CDK5RAP2: variants seen among roughly 807,000 people sequenced by gnomAD.
CDK5RAP2 encodes the protein CDK5 regulatory subunit-associated protein 2.
A neutral mutation model predicts 232.9 loss-of-function variants in CDK5RAP2; 147 were observed. The observed-to-expected ratio is 0.63, with a 90% CI of 0.55 to 0.72. The LOEUF (loss-of-function observed/expected upper bound fraction) is 0.72. CDK5RAP2 is among the 30% of genes least tolerant of loss of function. The pLI, the probability that CDK5RAP2 is intolerant of heterozygous loss-of-function variation, is 0.00. For missense variants in CDK5RAP2, 2,195 were observed against 2,231.5 expected (o/e 0.98, Z 0.33); for synonymous variants, 833 against 833.7 (o/e 1.00, Z 0.01).
At chr9:120,473,096 A>G (rs1005627305) in intron 15 of CDK5RAP2, among the ~76,000 whole-genome samples, 3 of 152,246 alleles carry the variant, frequency 2.0e-5, no homozygotes, top group African/African-American at 7.2e-5. Flanking sequence ...TCTGAATGGC[A>G]TAAATAATGC....
Position 120,453,155 on chromosome 9 carries a change from T to A in CDK5RAP2, c.2793+301A>T, listed in dbSNP as rs193187096. 2.0e-5 allele frequency among the ~76,000 whole-genome samples: 3 copies of A among 152,274 alleles called. No individual in the cohort carries two copies. The East Asian group carries it at 5.8e-4, about 29-fold the overall frequency. ...AGACAGCTACAGACAGATAGACAGATGTATAAACAAGACCTCACGTGTGTT... is the reference window on the plus strand; with the variant it reads ...AGACAGCTACAGACAGATAGACAGAAGTATAAACAAGACCTCACGTGTGTT... On this transcript the variant is annotated intron_variant, in intron 21 of 37. Transcript: ENST00000349780.
At chr9:120,556,453 G>C (rs2042232715) in intron 3 of CDK5RAP2, among the ~76,000 whole-genome samples, 1 of 148,246 alleles carries the variant, frequency 6.7e-6, no homozygotes, top group Admixed American at 6.8e-5. Context: ...TTTTGAGACA[G>C]AGTCTCGCTC....
chr9:120,536,420 ATCT>A lies in CDK5RAP2; in HGVS notation c.611_613del (p.Lys204del). Reference sequence around the variant, plus strand: ...AGCCATCGCCAAGTCCCCCTCGTGCATCTTCTTCATCTCTGAAAGCTTGCTTTC... The same window carrying A: ...AGCCATCGCCAAGTCCCCCTCGTGCATCTTCATCTCTGAAAGCTTGCTTTC... On this transcript the variant is annotated inframe_deletion, in exon 7 of 38. Coordinates refer to ENST00000349780, the MANE Select transcript of CDK5RAP2 (RefSeq NM_018249.6). The A allele has an allele frequency of 7.4e-6, 12 of 1,614,176 alleles. No individual in the cohort carries two copies. Among genetic ancestry groups the A allele is most frequent in the African/African-American group, 1.3e-5 (1 of 75,032 alleles).
intron 20 of CDK5RAP2, among the ~76,000 whole-genome samples, chr9:120,456,584 T>TA (rs1300626316): frequency 6.6e-6 from 1 of 152,260 alleles, no homozygotes; most frequent in African/African-American, 2.4e-5. Context: ...TTTTCACCTC[T>TA]AATGTGAAAT....
At chr9:120,537,769 T>C (rs1459398598) in intron 6 of CDK5RAP2, among the ~76,000 whole-genome samples, 1 of 152,100 alleles carries the variant, frequency 6.6e-6, no homozygotes, top group Non-Finnish European at 1.5e-5. Flanking sequence ...AAGATTACCT[T>C]CCTGTCTATA....
At chr9:120,500,906 C>A (rs1393814313) in intron 12 of CDK5RAP2, among the ~76,000 whole-genome samples, 1 of 152,100 alleles carries the variant, frequency 6.6e-6, no homozygotes, top group Non-Finnish European at 1.5e-5. Flanking sequence ...GCGGCTGTGG[C>A]TAAAGAACGG....
chr9:120,394,305 G>C (rs1411715331), intron 36 of CDK5RAP2, among the ~76,000 whole-genome samples: 1 of 152,158 alleles, frequency 6.6e-6, no homozygotes, highest in African/African-American at 2.4e-5. Context: ...GACAGTCCCT[G>C]ACACCAAAAG....
chr9:120,477,003 A>G (rs2038050661), intron 15 of CDK5RAP2, among the ~76,000 whole-genome samples: 1 of 152,254 alleles, frequency 6.6e-6, no homozygotes, highest in African/African-American at 2.4e-5. Flanking sequence ...ACACAGGGAT[A>G]GCATTATTAT....
At position 120,453,746 on chromosome 9, in the gene CDK5RAP2, G is replaced by A. The variant is rs1218744781; in HGVS notation, c.2503C>T (p.His835Tyr). ...GAAAATGAGTTGGTTTGGACAAAAT[G>A]TACAAGTTCACCTTTTTGCTTAGGT... Reference protein sequence around the residue: ...KTPKQKGELVHFVQTNSFSKP... With the variant: ...KTPKQKGELVYFVQTNSFSKP... The change falls in exon 21 of 38, where the codon CAT becomes TAT. Residue 835 changes from histidine (H) to tyrosine (Y), a missense_variant. Transcript: ENST00000349780. 4 of 1,614,204 alleles carry A rather than the reference G, an allele frequency of 2.5e-6. No homozygotes were observed. The highest frequency in any genetic ancestry group is 1.6e-4 in the Middle Eastern group (1 of 6,062).
intron 1 of CDK5RAP2, among the ~76,000 whole-genome samples, chr9:120,578,937 C>T (rs1403734376): frequency 3.9e-5 from 6 of 152,176 alleles, no homozygotes; most frequent in African/African-American, 1.4e-4. Context: ...GATCTGTTGA[C>T]TAAAAGCAGC....
chr9:120,520,824 ATC>A (rs1343862522), intron 11 of CDK5RAP2, among the ~76,000 whole-genome samples: 6 of 150,996 alleles, frequency 4.0e-5, no homozygotes, highest in South Asian at 2.1e-4. Context: ...TCTCATATAT[ATC>A]TCATATGAGC....
chr9:120,436,539 A>G (rs2035590310), intron 25 of CDK5RAP2, among the ~76,000 whole-genome samples: 2 of 152,226 alleles, frequency 1.3e-5, no homozygotes, highest in African/African-American at 4.8e-5. Flanking sequence ...TCTGATTGTG[A>G]TAACAATACC....
At chr9:120,524,366 C>G (rs947112304) in intron 11 of CDK5RAP2, among the ~76,000 whole-genome samples, 3 of 152,178 alleles carry the variant, frequency 2.0e-5, no homozygotes, top group African/African-American at 7.2e-5. Flanking sequence ...TACGGCCGGG[C>G]GCAGTGGTTA....
At position 120,454,616 on chromosome 9, in the gene CDK5RAP2, T is replaced by C. The variant is rs145822971; in HGVS notation, c.2376-743A>G. ...GCTGTGTGGACAGTTCCCATAGACA[T>C]AGTCCCACCTCAAACACCCTCTACG... On this transcript the variant is annotated intron_variant, in intron 20 of 37. Coordinates refer to ENST00000349780, the MANE Select transcript of CDK5RAP2 (RefSeq NM_018249.6). 8.5e-5 allele frequency among the ~76,000 whole-genome samples: 13 copies of C among 152,354 alleles called. 1 individual carries two copies. The highest frequency in any genetic ancestry group is 2.4e-4 in the African/African-American group (10 of 41,590).
At chr9:120,440,957 C>T (rs1342304039) in intron 23 of CDK5RAP2, among the ~76,000 whole-genome samples, 2 of 152,184 alleles carry the variant, frequency 1.3e-5, no homozygotes, top group Non-Finnish European at 2.9e-5. Context: ...GAAATATTTC[C>T]TTATAGCTAG....
chr9:120,561,980 C>G (rs2042479288), intron 3 of CDK5RAP2, among the ~76,000 whole-genome samples: 1 of 152,174 alleles, frequency 6.6e-6, no homozygotes, highest in Non-Finnish European at 1.5e-5. Context: ...TCACAATAAG[C>G]TCATGGGCAA....
At chr9:120,518,404 C>A (rs2040458606) in intron 12 of CDK5RAP2, 23 bp downstream of exon 12, 1 of 1,602,070 alleles carries the variant, frequency 6.2e-7, no homozygotes, top group Non-Finnish European at 8.5e-7. Context: ...TCCACTGTGT[C>A]AGAAGGGCAG....
At chr9:120,449,280 G>A (rs750409771) in intron 21 of CDK5RAP2, among the ~76,000 whole-genome samples, 29 of 152,086 alleles carry the variant, frequency 1.9e-4, no homozygotes, top group Admixed American at 2.0e-4. Flanking sequence ...CAACTCAAAT[G>A]GGCCTTCCTC....
chr9:120,566,734 G>A (rs141176056), intron 3 of CDK5RAP2, among the ~76,000 whole-genome samples: 2 of 152,312 alleles, frequency 1.3e-5, no homozygotes, highest in East Asian at 3.9e-4. Flanking sequence ...CAGGAGAAGT[G>A]GACAAACAAG....
Sources: gnomAD v4.1 joint callset for allele counts (sites outside exome capture counted in the v4.1 genomes callset) on GRCh38, gnomAD v4.1.1 for gene constraint, MANE v1.5 for transcripts, NCBI Gene and HGNC (gene_info 2026-07-23, HGNC 2026-07-21) for gene names.